The following HNRNPK variants were observed in gnomAD, a reference collection of about 807,000 sequenced individuals.
The protein encoded by HNRNPK is dC-stretch binding protein.
In HNRNPK, 7 loss-of-function variants were observed where a neutral mutation model predicts 67.0. The observed-to-expected ratio is 0.10, with a 90% confidence interval of 0.06 to 0.20. The LOEUF is 0.20. Ranked by LOEUF, HNRNPK falls within the 10% of genes least tolerant of loss-of-function variation. The pLI is 1.00. For missense variants in HNRNPK, 264 were observed against 606.5 expected (o/e 0.44, Z 5.93); for synonymous variants, 213 against 193.7 (o/e 1.10, Z -0.83).
At chr9:83,977,358 C>T (rs1383899781) in intron 4 of HNRNPK, among the ~76,000 whole-genome samples, 1 of 152,118 alleles carries the variant, frequency 6.6e-6, no homozygotes, top group Non-Finnish European at 1.5e-5. Flanking sequence ...TAGTAGGTAC[C>T]TTCATATTGT....
intron 4 of HNRNPK, among the ~76,000 whole-genome samples, 168 bp from the exon 5 acceptor site, chr9:83,977,219 A>G (rs1957109021): frequency 6.6e-6 from 1 of 152,256 alleles, no homozygotes; most frequent in African/African-American, 2.4e-5. Flanking sequence ...AAATCAAAAT[A>G]TAATTCTAAG....
intron 4 of HNRNPK, 68 bp from the exon 5 acceptor site, chr9:83,977,119 A>T: frequency 8.9e-7 from 1 of 1,123,310 alleles, no homozygotes; most frequent in Non-Finnish European, 1.3e-6. Context: ...CTACGCTCTT[A>T]GATTTTGCTA....
At chr9:83,970,362 C>A in intron 15 of HNRNPK, 31 bp from the exon 16 acceptor site, 1 of 1,545,188 alleles carries the variant, frequency 6.5e-7, no homozygotes, top group Non-Finnish European at 8.9e-7. Context: ...TATGTGTTTA[C>A]GATATACTTT....
At chr9:83,978,528 T>C (rs11140316) in intron 1 of HNRNPK, 76 bp from the exon 2 acceptor site, 14,824 of 359,430 alleles carry the variant, frequency 0.041, 1,380 homozygotes, top group African/African-American at 0.23. Flanking sequence ...TCACAGTGAA[T>C]ACTGATTTGA....
chr9:83,972,321 A>T (rs1041508429), intron 10 of HNRNPK, 132 bp from the exon 11 acceptor site: 59 of 673,470 alleles, frequency 8.8e-5, no homozygotes, highest in Non-Finnish European at 3.7e-5. Flanking sequence ...CAGAAACAGG[A>T]ATTATGTCAA....
rs755363998 is a variant in HNRNPK, at chr9:83,971,313, G to T, written c.1052C>A (p.Thr351Lys). 1 of 1,612,636 alleles carries T rather than the reference G, an allele frequency of 6.2e-7. No individual in the cohort carries two copies. Among genetic ancestry groups the T allele is most frequent in the Non-Finnish European group, 8.5e-7 (1 of 1,178,664 alleles). The change falls in exon 13 of 17, where the codon ACA becomes AAA. Residue 351 changes from threonine (T) to lysine (K), a missense_variant. Transcript: ENST00000376263. ...ADETWDSAID[T>K]WSPSEWQMAY... ...CATCTGCCATTCTGATGGGCTCCAT[G>T]TATCTATTGCAGAGTCCCAAGTTTC...
At chr9:83,970,952 T>C (rs759269585) in intron 13 of HNRNPK, 40 bp from the exon 14 acceptor site, 10 of 1,583,478 alleles carry the variant, frequency 6.3e-6, no homozygotes, top group Non-Finnish European at 8.7e-6. Flanking sequence ...TACTTTGCCG[T>C]TGTAATTACT....
At chr9:83,969,676 A>T (rs1022921219) in intron 16 of HNRNPK, 9 of 610,242 alleles carry the variant, frequency 1.5e-5, no homozygotes, top group Middle Eastern at 2.6e-4. Context: ...AAAGTTGTTA[A>T]TATTTGGTAG....
At chr9:83,975,297 G>A (rs952890674) in intron 6 of HNRNPK, 165 bp downstream of exon 6, 9 of 648,954 alleles carry the variant, frequency 1.4e-5, no homozygotes, top group Admixed American at 2.5e-5. Flanking sequence ...GGCAACTCAC[G>A]GTAAAAGTTC....
intron 13 of HNRNPK, 52 bp downstream of exon 13, chr9:83,971,221 T>A (rs1239150746): frequency 8.5e-7 from 1 of 1,178,558 alleles, no homozygotes; most frequent in Admixed American, 1.7e-5. Context: ...GGAGAGCAGG[T>A]AAGCATCTTA....
intron 5 of HNRNPK, 53 bp from the exon 6 acceptor site, chr9:83,975,558 T>C (rs1957034719): frequency 7.0e-7 from 1 of 1,422,384 alleles, no homozygotes; most frequent in Admixed American, 1.7e-5. Flanking sequence ...GGGCATTCAA[T>C]CAGAAGTTGT....
Position 83,975,393 on chromosome 9 carries a change from A to G in HNRNPK, c.257+69T>C, listed in dbSNP as rs1957031112. The stretch of plus-strand genomic sequence containing the variant: ...AAAGGGGATACTATTTAATTATATA[A>G]AAGGCAGGTAATAAAATACATTTCT... On this transcript the variant is annotated intron_variant, in intron 6 of 16. Coordinates refer to ENST00000376263, the MANE Select transcript of HNRNPK (RefSeq NM_031263.4). 2.3e-6 allele frequency: 3 copies of G among 1,321,418 alleles called. No homozygotes were observed. The Admixed American group carries it at 5.1e-5, about 22-fold the overall frequency. 81.9% of individuals were successfully genotyped at this position (1,321,418 alleles called of 1,614,324 possible). A position where few individuals can be genotyped will look rare whatever the true frequency, so the allele number is the denominator to read the frequency against.
chr9:83,971,060 G>A, intron 13 of HNRNPK, 148 bp from the exon 14 acceptor site: 5 of 803,478 alleles, frequency 6.2e-6, no homozygotes, highest in Non-Finnish European at 1.0e-5. Flanking sequence ...TCCTGCCTCA[G>A]ACTCTTTTGT....
chr9:83,973,195 T>G, intron 9 of HNRNPK, 91 bp downstream of exon 9: 1 of 840,572 alleles, frequency 1.2e-6, no homozygotes, highest in African/African-American at 1.7e-5. Context: ...TGGAGGGAAC[T>G]GAGAGGGGAA....
chr9:83,972,985 C>A lies in HNRNPK; in HGVS notation c.517-13G>T, dbSNP rs769042240. 3 of 1,545,690 alleles carry A rather than the reference C, an allele frequency of 1.9e-6. No individual in the cohort carries two copies. The highest frequency in any genetic ancestry group is 2.3e-5 in the East Asian group (1 of 44,106). ...TGGTTTGAGTGTTCTGTAGTAAGAT[C>A]ATAAAAAAAAATAATAATAATTAGA... On this transcript the variant is annotated splice_polypyrimidine_tract_variant and intron_variant, in intron 9 of 16. Coordinates refer to ENST00000376263, the MANE Select transcript of HNRNPK (RefSeq NM_031263.4).
Position 83,972,798 on chromosome 9 carries a change from CTT to C in HNRNPK, c.645+44_645+45del, listed in dbSNP as rs769430768. On this transcript the variant is annotated intron_variant, in intron 10 of 16. Coordinates refer to ENST00000376263, the MANE Select transcript of HNRNPK (RefSeq NM_031263.4). ...AAGCTACTTTTGCAGAAGGTTATCA[CTT>C]TGTTTCATAAAATCAAATGTAAACA... The C allele has an allele frequency of 1.8e-4, 265 of 1,486,052 alleles. 1 individual carries two copies. Among genetic ancestry groups the C allele is most frequent in the African/African-American group, 1.8e-3 (125 of 70,694 alleles). 92.1% of individuals were successfully genotyped at this position (1,486,052 alleles called of 1,614,324 possible).
In HNRNPK at chr9:83,972,193, A is replaced by AAT; in HGVS notation, c.646-5_646-4insAT. On this transcript the variant is annotated splice_region_variant and splice_polypyrimidine_tract_variant and intron_variant, in intron 10 of 16. Coordinates refer to ENST00000376263, the MANE Select transcript of HNRNPK (RefSeq NM_031263.4). ...GTGCACGTCCTTTGATGGGAGACTAAAAACAGAGATGGAACAAACTTACAG... is the reference window on the plus strand; with the variant it reads ...GTGCACGTCCTTTGATGGGAGACTAAATAAACAGAGATGGAACAAACTTACAG... The AAT allele has an allele frequency of 6.3e-7, 1 of 1,578,980 alleles. No homozygotes were observed. The highest frequency in any genetic ancestry group is 8.6e-7 in the Non-Finnish European group (1 of 1,161,580).
At chr9:83,972,740 G>C (rs1956909148) in intron 10 of HNRNPK, 104 bp downstream of exon 10, 1 of 778,088 alleles carries the variant, frequency 1.3e-6, no homozygotes, top group Non-Finnish European at 2.0e-6. Flanking sequence ...GCTAGGGAAA[G>C]GGCAAATAAA....
At position 83,977,855 on chromosome 9, in the gene HNRNPK, G is replaced by C. The variant is rs556598647; in HGVS notation, c.59-69C>G. 8.4e-6 allele frequency: 8 copies of C among 956,174 alleles called. No homozygotes were observed. The Admixed American group carries it at 1.0e-4, about 12-fold the overall frequency. The allele number at this position is 956,174 out of a possible 1,614,324, so 59.2% of individuals were successfully genotyped here. ...CCAAAGTAACTCCATTCTGTTTCAA[G>C]AGACTTGTTGCTAATCTTAGGCATG... On this transcript the variant is annotated intron_variant, in intron 3 of 16. Transcript: ENST00000376263.
Sources: gnomAD v4.1 joint callset for allele counts (sites outside exome capture counted in the v4.1 genomes callset) on GRCh38, gnomAD v4.1.1 for gene constraint, MANE v1.5 for transcripts, NCBI Gene and HGNC (gene_info 2026-07-23, HGNC 2026-07-21) for gene names.